Variants in SPSB4 observed in about 807,000 individuals in gnomAD.
SPSB4 encodes SPRY domain-containing SOCS box protein 4.
Under a neutral mutation model 20.9 loss-of-function variants are expected in SPSB4, and 21 were observed. That is an observed-to-expected ratio of 1.01 (90% CI 0.71 to 1.45). The LOEUF is 1.45. SPSB4 is among the 40% of genes most tolerant of loss of function. The pLI, the probability that SPSB4 is intolerant of heterozygous loss-of-function variation, is 0.00. For synonymous variants in SPSB4, 207 were observed against 183.8 expected, an observed-to-expected ratio of 1.13 and a Z score of -1.02; for missense variants, 399 against 399.2, an observed-to-expected ratio of 1.00 and a Z score of 0.00.
chr3:141,062,403 T>C (rs1937783391), intron 1 of SPSB4, among the ~76,000 whole-genome samples: 1 of 152,012 alleles, frequency 6.6e-6, no homozygotes, highest in Admixed American at 6.6e-5. Context: ...TTTTGTTTTG[T>C]TTTTGTGGTA....
In SPSB4 at chr3:141,070,728, G is replaced by T. The variant is rs138310660; in HGVS notation, c.694+3930G>T. Among the ~76,000 whole-genome samples the T allele has an allele frequency of 6.6e-5, 10 of 152,292 alleles. 1 individual carries two copies. Among genetic ancestry groups the T allele is most frequent in the Admixed American group, 3.3e-4 (5 of 15,302 alleles). On this transcript the variant is annotated intron_variant, in intron 2 of 2. Transcript: ENST00000310546. ...ATTTTTGTAATGACTCTTTGCACTA[G>T]TGCTATCTATATTATCATCTTCAGT...
chr3:141,053,925 C>A (rs1017379467), intron 1 of SPSB4, among the ~76,000 whole-genome samples: 5 of 152,172 alleles, frequency 3.3e-5, no homozygotes, highest in African/African-American at 4.8e-5. Context: ...ATTTTCCTCT[C>A]CCCCACTACC....
chr3:141,135,338 T>TTTA lies in SPSB4; in HGVS notation c.695-11781_695-11779dup, dbSNP rs56836958. Among the ~76,000 whole-genome samples, 258 of 148,838 alleles carry TTTA rather than the reference T, an allele frequency of 1.7e-3. 2 individuals are homozygous for TTTA. The highest frequency in any genetic ancestry group is 5.9e-3 in the South Asian group (28 of 4,770). On this transcript the variant is annotated intron_variant, in intron 2 of 2. Transcript: ENST00000310546. Reference sequence around the variant, plus strand: ...CATTTGGGTCACTTCCAGTTTTTCTTTTATTATTATTATTATTATTATTAT... The same window carrying TTTA: ...CATTTGGGTCACTTCCAGTTTTTCTTTTATTATTATTATTATTATTATTATTAT...
intron 1 of SPSB4, among the ~76,000 whole-genome samples, chr3:141,052,619 G>A (rs1180761682): frequency 6.6e-6 from 1 of 152,172 alleles, no homozygotes; most frequent in African/African-American, 2.4e-5. Flanking sequence ...AATAGGCACC[G>A]GTGGCTGTTG....
chr3:141,079,287 C>T (rs1002330188), intron 2 of SPSB4, among the ~76,000 whole-genome samples: 15 of 151,494 alleles, frequency 9.9e-5, no homozygotes, highest in Non-Finnish European at 2.1e-4. Flanking sequence ...AAGAAAAGCA[C>T]ATTTGGTTGG....
At chr3:141,120,870 G>A (rs1289705158) in intron 2 of SPSB4, among the ~76,000 whole-genome samples, 1 of 152,088 alleles carries the variant, frequency 6.6e-6, no homozygotes. Flanking sequence ...TATCCAATTT[G>A]CCAGTCTGTG....
At chr3:141,136,124 G>A (rs1389917468) in intron 2 of SPSB4, among the ~76,000 whole-genome samples, 2 of 152,034 alleles carry the variant, frequency 1.3e-5, no homozygotes, top group East Asian at 1.9e-4. Flanking sequence ...TGTGCTTTTT[G>A]GCTGCATGAA....
chr3:141,081,158 T>C (rs1016231266), intron 2 of SPSB4, among the ~76,000 whole-genome samples: 2 of 152,242 alleles, frequency 1.3e-5, no homozygotes, highest in African/African-American at 4.8e-5. Context: ...CCCTATCCAA[T>C]GTGGGAGCCA....
chr3:141,094,247 G>T (rs1231436895), intron 2 of SPSB4, among the ~76,000 whole-genome samples: 1 of 152,224 alleles, frequency 6.6e-6, no homozygotes, highest in African/African-American at 2.4e-5. Context: ...ATCTGACTGT[G>T]AGCCTGGTTG....
chr3:141,128,398 T>A (rs1939081450), intron 2 of SPSB4, among the ~76,000 whole-genome samples: 1 of 152,088 alleles, frequency 6.6e-6, no homozygotes, highest in Non-Finnish European at 1.5e-5. Context: ...CAGTGGTCAG[T>A]GGATGACAGC....
At chr3:141,100,343 G>A (rs1193874029) in intron 2 of SPSB4, among the ~76,000 whole-genome samples, 1 of 152,066 alleles carries the variant, frequency 6.6e-6, no homozygotes, top group African/African-American at 2.4e-5. Flanking sequence ...TGCTGTGACT[G>A]GTATCCTTAT....
intron 2 of SPSB4, chr3:141,132,130 C>T (rs937665514): frequency 7.7e-6 from 3 of 387,914 alleles, no homozygotes; most frequent in Admixed American, 6.4e-5. Flanking sequence ...CCCTCAACCC[C>T]CTCCCACCCT....
chr3:141,128,909 C>T (rs985457917), intron 2 of SPSB4, among the ~76,000 whole-genome samples: 12 of 152,074 alleles, frequency 7.9e-5, no homozygotes, highest in African/African-American at 2.7e-4. Flanking sequence ...AGGTGGGTAC[C>T]ATCCTGTTTC....
intron 2 of SPSB4, among the ~76,000 whole-genome samples, chr3:141,085,008 C>G (rs943609362): frequency 1.3e-4 from 20 of 152,212 alleles, no homozygotes. Context: ...AAGATGGATG[C>G]ACTGCAGTGT....
In SPSB4 at chr3:141,083,272, C is replaced by T. The variant is rs115461406; in HGVS notation, c.694+16474C>T. The stretch of plus-strand genomic sequence containing the variant: ...GGCTAGAGTGCCACGTGCATGGCTT[C>T]CCCGGCTGGTTTGGAGGGCCCATGG... On this transcript the variant is annotated intron_variant, in intron 2 of 2. Transcript: ENST00000310546. Among the ~76,000 whole-genome samples, 619 of 152,302 alleles carry T rather than the reference C, an allele frequency of 4.1e-3. 5 individuals are homozygous for T. Among genetic ancestry groups the T allele is most frequent in the Middle Eastern group, 0.017 (5 of 294 alleles).
At position 141,092,271 on chromosome 3, in the gene SPSB4, T is replaced by C. The variant is rs151247496; in HGVS notation, c.694+25473T>C. 2.6e-5 allele frequency among the ~76,000 whole-genome samples: 4 copies of C among 152,328 alleles called. No homozygotes were observed. The East Asian group carries it at 7.7e-4, about 29-fold the overall frequency. ...TGTTTAAGGATTAGACATAACAATG[T>C]AGAGTGAGGGCACAAACAAGGCCTG... On this transcript the variant is annotated intron_variant, in intron 2 of 2. Coordinates refer to ENST00000310546, the MANE Select transcript of SPSB4 (RefSeq NM_080862.3).
At chr3:141,064,439 C>T (rs1356511471) in intron 1 of SPSB4, among the ~76,000 whole-genome samples, 1 of 152,204 alleles carries the variant, frequency 6.6e-6, no homozygotes, top group Non-Finnish European at 1.5e-5. Context: ...TCAGATTGAA[C>T]ATTAGCCAGA....
chr3:141,055,535 A>C (rs564757203), intron 1 of SPSB4, among the ~76,000 whole-genome samples: 5 of 152,176 alleles, frequency 3.3e-5, no homozygotes, highest in Non-Finnish European at 7.4e-5. Context: ...TCTTGGTCCA[A>C]CTTACCTGTT....
At chr3:141,076,856 C>G (rs371402888) in intron 2 of SPSB4, 1 of 152,252 alleles carries the variant, frequency 6.6e-6, no homozygotes, top group Non-Finnish European at 1.5e-5. Context: ...CCCTTAAATA[C>G]AGTACAGCAA....
Sources: allele counts gnomAD v4.1 joint callset (sites outside exome capture counted in the v4.1 genomes callset), GRCh38; gene constraint gnomAD v4.1.1; transcripts MANE v1.5; gene names NCBI Gene and HGNC (gene_info 2026-07-23, HGNC 2026-07-21).